The following PDIA2 variants were observed in gnomAD, a reference collection of about 807,000 sequenced individuals.
PDIA2 encodes protein disulfide isomerase family A member 2, also known as protein disulfide-isomerase A2.
In PDIA2, 76 loss-of-function variants were observed where a neutral mutation model predicts 51.1. The observed-to-expected ratio is 1.49, with a 90% CI of 1.24 to 1.80. PDIA2 has a LOEUF of 1.80. Among genes scored for constraint, PDIA2 ranks in the 40% most tolerant of loss-of-function variants. The pLI, the probability that PDIA2 is intolerant of heterozygous loss-of-function variation, is 0.00. For synonymous variants in PDIA2, 429 were observed against 309.9 expected, an observed-to-expected ratio of 1.38 and a Z score of -4.04; for missense variants, 946 against 706.5, an observed-to-expected ratio of 1.34 and a Z score of -3.84.
Position 283,227 on chromosome 16 carries a change from TG to T in PDIA2, c.62del (p.Gly21ValfsTer27). ...GCTGCTGCTCAGGGCTTCGTGCCCA[TG>T]GGGTCAGGAACAGGGAGCGAGGAGC... ...LLLLLRASCPWGQEQGARSPS... is the reference protein window; with the variant it reads ...LLLLLRASCPXGQEQGARSPS... On this transcript the variant is annotated frameshift_variant, in exon 1 of 11. Coordinates refer to ENST00000219406, the MANE Select transcript of PDIA2 (RefSeq NM_006849.4). LOFTEE classifies it high-confidence loss of function. 1 of 1,609,102 alleles carries T rather than the reference TG, an allele frequency of 6.2e-7. No homozygotes were observed. Among genetic ancestry groups the T allele is most frequent in the Non-Finnish European group, 8.5e-7 (1 of 1,178,282 alleles).
In PDIA2 at chr16:284,686, A is replaced by C. The variant is rs1378974329; in HGVS notation, c.434A>C (p.Glu145Ala). 6.3e-7 allele frequency: 1 copy of C among 1,587,984 alleles called. No individual in the cohort carries two copies. The highest frequency in any genetic ancestry group is 8.5e-7 in the Non-Finnish European group (1 of 1,172,072). Residue 145 changes from glutamate to alanine, a missense_variant, in exon 3 of 11, where the codon GAG (glutamate) becomes GCG (alanine). Coordinates refer to ENST00000219406, the MANE Select transcript of PDIA2 (RefSeq NM_006849.4). ...TGPRDAEGIAEWLRRRVGPSA... is the reference protein window; with the variant it reads ...TGPRDAEGIAAWLRRRVGPSA... Reference sequence around the variant, plus strand: ...CCACGGGACGCTGAGGGCATTGCCGAGTGGCTGCGACGGCGGGTGGGGCCC... The same window carrying C: ...CCACGGGACGCTGAGGGCATTGCCGCGTGGCTGCGACGGCGGGTGGGGCCC...
At chr16:284,117 C>T in intron 1 of PDIA2, 3 of 539,530 alleles carry the variant, frequency 5.6e-6, no homozygotes, top group East Asian at 6.5e-5. Context: ...ATATGCCCGC[C>T]TCTGCCTCCC....
In PDIA2 at chr16:284,883, G is replaced by A; in HGVS notation, c.546G>A (p.Leu182=). ...DLVVIGFFQD[L]QDEDVATFLA... ...CACAGGGCCAGGCCCCTCAGGACCTGCAGGACGAGGACGTGGCCACCTTCT... is the reference window on the plus strand; with the variant it reads ...CACAGGGCCAGGCCCCTCAGGACCTACAGGACGAGGACGTGGCCACCTTCT... Residue 182 remains leucine, a synonymous_variant, in exon 4 of 11, where the codon CTG becomes CTA. Coordinates refer to ENST00000219406, the MANE Select transcript of PDIA2 (RefSeq NM_006849.4). 1.2e-6 allele frequency: 2 copies of A among 1,612,518 alleles called. No homozygotes were observed. The highest frequency in any genetic ancestry group is 1.7e-6 in the Non-Finnish European group (2 of 1,179,638).
In PDIA2 at chr16:285,027, C is replaced by T. The variant is rs1478311750; in HGVS notation, c.678+12C>T. 1.2e-6 allele frequency: 2 copies of T among 1,613,158 alleles called. No individual in the cohort carries two copies. Among genetic ancestry groups the T allele is most frequent in the Admixed American group, 1.7e-5 (1 of 59,998 alleles). On this transcript the variant is annotated intron_variant, in intron 4 of 10. Transcript: ENST00000219406. The stretch of plus-strand genomic sequence containing the variant: ...TTCTCTTCAAGAAGGTAGGTCAGGC[C>T]CAGGTGTGGGTTGGGGTCCGGCTGC...
Position 287,003 on chromosome 16 carries a change from TGGCAGGGGCGGG to T in PDIA2, c.1534-57_1534-46del, listed in dbSNP as rs1241368765. ...TGCACAAATCCTCTTTACACAGGGC[TGGCAGGGGCGGG>T]GGCAGGGGTAGGCTGGGAGCAGAGC... is the stretch of plus-strand genomic sequence containing the variant. On this transcript the variant is annotated intron_variant, in intron 10 of 10. Coordinates refer to ENST00000219406, the MANE Select transcript of PDIA2 (RefSeq NM_006849.4). The T allele has an allele frequency of 9.3e-6, 15 of 1,611,874 alleles. No homozygotes were observed. In the Admixed American group the frequency reaches 1.5e-4, roughly 16 times the overall value.
In PDIA2 at chr16:286,827, CT is replaced by C; in HGVS notation, c.1423-6del. On this transcript the variant is annotated splice_region_variant and splice_polypyrimidine_tract_variant and intron_variant, in intron 9 of 10. Coordinates refer to ENST00000219406, the MANE Select transcript of PDIA2 (RefSeq NM_006849.4). Reference sequence around the variant, plus strand: ...ACGTGTCCTCCAGATCCCCCTGCCTCTTCTCAGGTGATTGAATACAAAAGCA... The same window carrying C: ...ACGTGTCCTCCAGATCCCCCTGCCTCTCTCAGGTGATTGAATACAAAAGCA... 1 of 1,611,196 alleles carries C rather than the reference CT, an allele frequency of 6.2e-7. No homozygotes were observed. The highest frequency in any genetic ancestry group is 8.5e-7 in the Non-Finnish European group (1 of 1,179,248).
In PDIA2 at chr16:285,430, G is replaced by C. The variant is rs371259231; in HGVS notation, c.914G>C (p.Arg305Pro). 1.2e-6 allele frequency: 2 copies of C among 1,610,792 alleles called. No individual in the cohort carries two copies. The highest frequency in any genetic ancestry group is 2.2e-5 in the South Asian group (2 of 91,012). The change falls in exon 6 of 11, where the codon CGG becomes CCG. Residue 305 changes from arginine (R) to proline (P), a missense_variant. Coordinates refer to ENST00000219406, the MANE Select transcript of PDIA2 (RefSeq NM_006849.4). ...AGFGEAAPRF[R>P]GQVLFVVVDV... is the part of the protein sequence containing the mutation. ...TTTGGGGAGGCAGCTCCCCGCTTCC[G>C]GGGGCAGGTACTGGGGGGCTGGGGG...
At chr16:283,821 G>A (rs896734007) in intron 1 of PDIA2, among the ~76,000 whole-genome samples, 5 of 152,146 alleles carry the variant, frequency 3.3e-5, no homozygotes, top group Admixed American at 2.6e-4. Flanking sequence ...CAGCCACATG[G>A]GCCCGGGAGC....
Position 283,247 on chromosome 16 carries a change from G to A in PDIA2, c.78G>A (p.Ala26=), listed in dbSNP as rs376264294. The change falls in exon 1 of 11, where the codon GCG becomes GCA. Residue 26 remains alanine, a synonymous_variant. Coordinates refer to ENST00000219406, the MANE Select transcript of PDIA2 (RefSeq NM_006849.4). ...ASCPWGQEQG[A]RSPSEEPPEE... ...GCCCATGGGGTCAGGAACAGGGAGC[G>A]AGGAGCCCCTCGGAGGAGCCTCCAG... The A allele has an allele frequency of 2.4e-4, 383 of 1,610,820 alleles. No individual in the cohort carries two copies. Among genetic ancestry groups the A allele is most frequent in the African/African-American group, 4.4e-4 (33 of 74,932 alleles).
In PDIA2 at chr16:287,135, C is replaced by T. The variant is rs781401505; in HGVS notation, c.*22C>T. On this transcript the variant is annotated 3_prime_UTR_variant, in exon 11 of 11. Coordinates refer to ENST00000219406, the MANE Select transcript of PDIA2 (RefSeq NM_006849.4). ...GTAGCTGCCCCCGTGTCACCCCCGC[C>T]ATCACTGCTGGACAGGAGCCACCCC... 1 of 1,611,758 alleles carries T rather than the reference C, an allele frequency of 6.2e-7. No homozygotes were observed. Among genetic ancestry groups the T allele is most frequent in the African/African-American group, 1.3e-5 (1 of 75,062 alleles).
rs185235292 is a variant in PDIA2, at chr16:286,716, C to T, written c.1403C>T (p.Pro468Leu). 2.0e-3 allele frequency: 3,180 copies of T among 1,612,866 alleles called. 37 individuals are homozygous for T. The Admixed American group carries it at 0.02, about 10-fold the overall frequency. The change falls in exon 9 of 11, where the codon CCA becomes CTA. Residue 468 changes from proline (P) to leucine (L), a missense_variant. Pro to Leu is a moderately conservative substitution (Grantham distance 98). Coordinates refer to ENST00000219406, the MANE Select transcript of PDIA2 (RefSeq NM_006849.4). ...VHGFPTLKYFPAGPGRKVIEY... is the reference protein window; with the variant it reads ...VHGFPTLKYFLAGPGRKVIEY... ...GGCTTCCCTACTCTCAAGTACTTCC[C>T]AGCAGGGCCAGGTCGGAAGGTATGG...
At chr16:283,558 G>GTGGT (rs972869271) in intron 1 of PDIA2, among the ~76,000 whole-genome samples, 190 bp downstream of exon 1, 4 of 152,246 alleles carry the variant, frequency 2.6e-5, no homozygotes, top group African/African-American at 9.6e-5. Context: ...CAGGAGCAGT[G>GTGGT]TGGTAGTACT....
At chr16:285,275 G>A (rs780134510) in intron 5 of PDIA2, 37 bp from the exon 6 acceptor site, 3 of 1,612,094 alleles carry the variant, frequency 1.9e-6, no homozygotes, top group Non-Finnish European at 2.5e-6. Flanking sequence ...CCTAGGCTGG[G>A]GGTCCTGTGG....
At chr16:285,942 ACCC>A (rs1567250875) in intron 7 of PDIA2, among the ~76,000 whole-genome samples, 788 of 38,352 alleles carry the variant, frequency 0.021, 2 homozygotes, top group Middle Eastern at 0.032. Context: ...CCCAACCCCA[ACCC>A]CAACCCCAAC....
chr16:286,027 A>T (rs1235107013), intron 7 of PDIA2, among the ~76,000 whole-genome samples: 1 of 91,012 alleles, frequency 1.1e-5, no homozygotes, highest in Non-Finnish European at 2.2e-5. Context: ...CGGTTCTCCA[A>T]CCCCGCGGTT....
chr16:286,466 C>T lies in PDIA2; in HGVS notation c.1233C>T (p.Val411=), dbSNP rs2052381279. The T allele has an allele frequency of 6.2e-7, 1 of 1,612,752 alleles. No homozygotes were observed. The highest frequency in any genetic ancestry group is 1.3e-5 in the African/African-American group (1 of 74,632). Residue 411 remains valine (V), a synonymous_variant, in exon 8 of 11, where the codon GTC becomes GTT. Coordinates refer to ENST00000219406, the MANE Select transcript of PDIA2 (RefSeq NM_006849.4). The stretch of plus-strand genomic sequence containing the variant: ...TTGACGAAACCAAGAATGTGTTTGT[C>T]AAGTTCTGTGAGTGTTGAGGGAGGC... The part of the protein sequence containing the change: ...VAFDETKNVF[V]KFYAPWCTHC...
Position 285,848 on chromosome 16 carries a change from G to A in PDIA2, c.1119+145G>A, listed in dbSNP as rs193268832. ...CTCAACCCGGCAATTCTCCCAACCC[G>A]GCGGTTCTCCCAACCCCAACCCGGC... On this transcript the variant is annotated intron_variant, in intron 7 of 10. Transcript: ENST00000219406. 1,152 of 892,778 alleles carry A rather than the reference G, an allele frequency of 1.3e-3. 2 individuals carry two copies. The highest frequency in any genetic ancestry group is 1.6e-3 in the Non-Finnish European group (1,009 of 623,316). The allele number at this position is 892,778 out of a possible 1,614,324, so 55.3% of individuals were successfully genotyped here.
intron 3 of PDIA2, 29 bp from the exon 4 acceptor site, chr16:284,849 G>C: frequency 6.2e-7 from 1 of 1,609,166 alleles, no homozygotes; most frequent in Non-Finnish European, 8.5e-7. Context: ...GGGTGGGACC[G>C]GGTGGCCTCA....
At position 285,401 on chromosome 16, in the gene PDIA2, G is replaced by A. The variant is rs374420213; in HGVS notation, c.885G>A (p.Ala295=). The part of the protein sequence containing the change: ...QTLAAHRELL[A]GFGEAAPRFR... ...TGGCTGCGCACCGGGAGCTCCTAGC[G>A]GGCTTTGGGGAGGCAGCTCCCCGCT... is the stretch of plus-strand genomic sequence containing the variant. Residue 295 remains alanine (A), a synonymous_variant, in exon 6 of 11, where the codon GCG becomes GCA. Transcript: ENST00000219406. The A allele has an allele frequency of 1.8e-5, 29 of 1,612,150 alleles. No homozygotes were observed. Among genetic ancestry groups the A allele is most frequent in the South Asian group, 9.9e-5 (9 of 91,064 alleles).
Sources: gnomAD v4.1 joint callset for allele counts (sites outside exome capture counted in the v4.1 genomes callset) on GRCh38, gnomAD v4.1.1 for gene constraint, MANE v1.5 for transcripts, NCBI Gene and HGNC (gene_info 2026-07-23, HGNC 2026-07-21) for gene names.